The following IQSEC1 variants were observed in gnomAD, a reference collection of about 807,000 sequenced individuals.
The protein encoded by IQSEC1 is IQ motif and SEC7 domain-containing protein 1.
In IQSEC1, 31 loss-of-function variants were observed where a neutral mutation model predicts 91.0. That is an observed-to-expected ratio of 0.34 (90% CI 0.26 to 0.46). IQSEC1 has a LOEUF of 0.46. IQSEC1 is among the 20% of genes least tolerant of loss of function. The pLI, the probability that IQSEC1 is intolerant of heterozygous loss-of-function variation, is 1.00. For missense variants in IQSEC1, 1,388 were observed against 1,575.6 expected, an observed-to-expected ratio of 0.88 and a Z score of 2.02; for synonymous variants, 699 against 662.6, an observed-to-expected ratio of 1.05 and a Z score of -0.84.
intron 2 of IQSEC1, among the ~76,000 whole-genome samples, chr3:13,156,323 T>C (rs960117629): frequency 6.6e-6 from 1 of 152,038 alleles, no homozygotes; most frequent in Non-Finnish European, 1.5e-5. Flanking sequence ...ATGAAGACCA[T>C]ATACAAAAAA....
At chr3:13,055,687 G>A (rs1054016223) in intron 1 of IQSEC1, among the ~76,000 whole-genome samples, 1 of 152,210 alleles carries the variant, frequency 6.6e-6, no homozygotes, top group African/African-American at 2.4e-5. Flanking sequence ...TGGGTAGAGT[G>A]GCGAAGCAGG....
chr3:13,094,184 C>T (rs1705916467), intron 2 of IQSEC1, among the ~76,000 whole-genome samples: 1 of 152,188 alleles, frequency 6.6e-6, no homozygotes, highest in African/African-American at 2.4e-5. Flanking sequence ...CACCTCGTAT[C>T]ACAGTGGAGA....
intron 2 of IQSEC1, among the ~76,000 whole-genome samples, chr3:13,142,188 C>G (rs1011477519): frequency 6.6e-6 from 1 of 152,236 alleles, no homozygotes; most frequent in African/African-American, 2.4e-5. Context: ...CATTCTAAGA[C>G]CATGCTACAG....
intron 1 of IQSEC1, among the ~76,000 whole-genome samples, chr3:13,018,661 C>T (rs950461951): frequency 1.3e-5 from 2 of 151,310 alleles, no homozygotes; most frequent in African/African-American, 2.4e-5. Context: ...AGGGGAGGGG[C>T]GGGGAGCTGG....
In IQSEC1 at chr3:13,154,449, A is replaced by ATCTATCTATCTATCTATC. The variant is rs34479581; in HGVS notation, c.302+9654_302+9655insGATAGATAGATAGATAGA. 1.2e-4 allele frequency among the ~76,000 whole-genome samples: 12 copies of ATCTATCTATCTATCTATC among 99,158 alleles called. 1 individual carries two copies. Among genetic ancestry groups the ATCTATCTATCTATCTATC allele is most frequent in the African/African-American group, 4.6e-4 (12 of 26,332 alleles). 65.1% of individuals were successfully genotyped at this position (99,158 alleles called of 152,430 possible). A position where few individuals can be genotyped will look rare whatever the true frequency, so the allele number is the denominator to read the frequency against. ...CTGGAACTTACATGCATATATATAT[A>ATCTATCTATCTATCTATC]TATATATATATATATATATATATAT... On this transcript the variant is annotated intron_variant, in intron 2 of 15. Coordinates refer to the IQSEC1 transcript ENST00000648114.
chr3:13,012,260 G>A (rs772395464), intron 1 of IQSEC1, among the ~76,000 whole-genome samples: 2 of 152,212 alleles, frequency 1.3e-5, no homozygotes, highest in Non-Finnish European at 2.9e-5. Context: ...CACTGTGTAT[G>A]AGTCCTGAAC....
chr3:12,999,938 T>A lies in IQSEC1; in HGVS notation c.24-58073A>T, dbSNP rs80246165. Among the ~76,000 whole-genome samples the A allele has an allele frequency of 1.1e-3, 169 of 152,324 alleles. 1 individual carries two copies. The highest frequency in any genetic ancestry group is 3.6e-3 in the African/African-American group (151 of 41,570). ...TCTAAACGCTTCTGTAGCTCCTATG[T>A]CCTGTGTAATAAAGTCCAAGCTCCT... On this transcript the variant is annotated intron_variant, in intron 1 of 13. Coordinates refer to ENST00000613206, the MANE Select transcript of IQSEC1 (RefSeq NM_001134382.3).
intron 1 of IQSEC1, among the ~76,000 whole-genome samples, chr3:13,165,953 C>T (rs1248598144): frequency 6.6e-6 from 1 of 152,188 alleles, no homozygotes; most frequent in Non-Finnish European, 1.5e-5. Context: ...CTGTCCATGG[C>T]AATGACACCA....
At chr3:13,104,404 T>C (rs1378714032) in intron 2 of IQSEC1, among the ~76,000 whole-genome samples, 2 of 152,112 alleles carry the variant, frequency 1.3e-5, no homozygotes, top group African/African-American at 4.8e-5. Flanking sequence ...TCCACTTCCA[T>C]CTTCCTTTTC....
chr3:13,117,190 C>G, intron 2 of IQSEC1, among the ~76,000 whole-genome samples: 1 of 146,934 alleles, frequency 6.8e-6, no homozygotes, highest in Non-Finnish European at 1.5e-5. Flanking sequence ...AAAAAAGATA[C>G]ACAAATGGCC....
At chr3:13,208,807 C>T (rs1694389488) in intron 1 of IQSEC1, among the ~76,000 whole-genome samples, 1 of 152,232 alleles carries the variant, frequency 6.6e-6, no homozygotes. Flanking sequence ...ACTCACTCCA[C>T]CCTGGAGGAT....
chr3:12,939,290 G>A (rs1020544282), intron 2 of IQSEC1, among the ~76,000 whole-genome samples: 6 of 152,226 alleles, frequency 3.9e-5, no homozygotes, highest in Middle Eastern at 3.2e-3. Context: ...GGAAACTTCT[G>A]AGCAGTACAG....
intron 1 of IQSEC1, among the ~76,000 whole-genome samples, chr3:13,263,427 TGGGGG>T (rs74458928): frequency 2.9e-5 from 3 of 102,860 alleles, no homozygotes; most frequent in African/African-American, 6.5e-5. Context: ...CTTTTTTTTT[TGGGGG>T]GGGGGGGAAA....
At chr3:13,187,925 T>C (rs755817903) in intron 1 of IQSEC1, among the ~76,000 whole-genome samples, 4 of 152,100 alleles carry the variant, frequency 2.6e-5, no homozygotes, top group Non-Finnish European at 5.9e-5. Flanking sequence ...ACTGAGGTGG[T>C]CTCCACCCAA....
intron 1 of IQSEC1, among the ~76,000 whole-genome samples, chr3:13,243,538 G>A (rs1173511176): frequency 6.6e-6 from 1 of 152,170 alleles, no homozygotes; most frequent in Non-Finnish European, 1.5e-5. Flanking sequence ...CTGGCCTGGC[G>A]CCCACCCCAT....
chr3:13,280,427 G>T (rs1391263712), intron 1 of IQSEC1, among the ~76,000 whole-genome samples: 1 of 152,236 alleles, frequency 6.6e-6, no homozygotes. Context: ...GCCCCGGGGG[G>T]GCCCAGAACC....
intron 1 of IQSEC1, among the ~76,000 whole-genome samples, chr3:13,220,704 G>A (rs1445841721): frequency 2.0e-5 from 3 of 152,216 alleles, no homozygotes; most frequent in Non-Finnish European, 2.9e-5. Flanking sequence ...GAGACATTCC[G>A]AGGTGCACGT....
intron 1 of IQSEC1, among the ~76,000 whole-genome samples, chr3:13,165,570 G>GTC (rs1177806344): frequency 5.3e-4 from 77 of 144,860 alleles, no homozygotes; most frequent in African/African-American, 1.7e-3. Flanking sequence ...GTGTGTGTGT[G>GTC]TGTGTGTGTG....
At chr3:13,249,374 G>A (rs1477122048) in intron 1 of IQSEC1, among the ~76,000 whole-genome samples, 2 of 151,718 alleles carry the variant, frequency 1.3e-5, no homozygotes, top group African/African-American at 2.4e-5. Flanking sequence ...GGGTTTCACC[G>A]TGTTAGCCAG....
Sources: allele counts gnomAD v4.1 joint callset (sites outside exome capture counted in the v4.1 genomes callset), GRCh38; gene constraint gnomAD v4.1.1; transcripts MANE v1.5; gene names NCBI Gene and HGNC (gene_info 2026-07-23, HGNC 2026-07-21).